The following WNT3 variants were observed in gnomAD, a reference collection of about 807,000 sequenced individuals.
WNT3 encodes Wnt family member 3, also known as proto-oncogene Wnt-3.
Under a neutral mutation model 34.2 loss-of-function variants are expected in WNT3, and 7 were observed. The observed-to-expected ratio is 0.20, with a 90% confidence interval of 0.12 to 0.38. WNT3 has a LOEUF of 0.38. Ranked by LOEUF, WNT3 falls within the 10% of genes least tolerant of loss-of-function variation. The pLI is 1.00. For missense variants in WNT3, 267 were observed against 499.8 expected (o/e 0.53, Z 4.44); for synonymous variants, 212 against 211.5 (o/e 1.00, Z -0.02).
At chr17:46,778,438 C>T (rs1388459976) in intron 1 of WNT3, among the ~76,000 whole-genome samples, 1 of 152,204 alleles carries the variant, frequency 6.6e-6, no homozygotes, top group Non-Finnish European at 1.5e-5. Context: ...TGGGGCTTAG[C>T]TCCTGGGCCA....
At chr17:46,797,139 G>A (rs2084064141) in intron 1 of WNT3, among the ~76,000 whole-genome samples, 1 of 152,154 alleles carries the variant, frequency 6.6e-6, no homozygotes, top group South Asian at 2.1e-4. Context: ...ATTCAAATGA[G>A]AACAATAAAC....
rs2059345882 is a variant in WNT3 at position 46,769,637 on chromosome 17, TG to T, written c.588+145del. The T allele has an allele frequency of 2.7e-5, 27 of 1,011,544 alleles. No homozygotes were observed. In the East Asian group the frequency reaches 7.1e-4, roughly 27 times the overall value. The allele number at this position is 1,011,544 out of a possible 1,614,324, so 62.7% of individuals were successfully genotyped here. ...GTGGACAGACGAAGTGGCTGTGGGG[TG>T]GGGAGGAGGCCAAGCCTGGCCAAGG... On this transcript the variant is annotated intron_variant, in intron 3 of 4. Transcript: ENST00000225512.
intron 1 of WNT3, among the ~76,000 whole-genome samples, chr17:46,779,524 C>A (rs1858638978): frequency 6.6e-6 from 1 of 152,226 alleles, no homozygotes; most frequent in African/African-American, 2.4e-5. Context: ...CGAGGACACA[C>A]ACGGGCAGCC....
At chr17:46,771,574 C>A (rs528610604) in intron 2 of WNT3, among the ~76,000 whole-genome samples, 2 of 148,400 alleles carry the variant, frequency 1.3e-5, no homozygotes, top group African/African-American at 2.4e-5. Flanking sequence ...CGGCGGGGCC[C>A]GCTGGGCCGC....
Position 46,768,596 on chromosome 17 carries a change from C to G in WNT3, c.792G>C (p.Ser264=). The G allele has an allele frequency of 6.2e-7, 1 of 1,614,168 alleles. No individual in the cohort carries two copies. The highest frequency in any genetic ancestry group is 8.5e-7 in the Non-Finnish European group (1 of 1,180,044). Residue 264 remains serine (S), a synonymous_variant, in exon 4 of 5, where the codon TCG becomes TCC. Transcript: ENST00000225512. The surrounding 1 kb of genome is among the most constrained non-coding windows in gnomAD (Gnocchi z 5.0). ...GWVETLRAKY[S]LFKPPTERDL... ...CCCTCTCCGTGGGTGGCTTGAAGAG[C>G]GAGTACTTGGCCCGGAGGGTCTCCA...
rs11319114 is a variant in WNT3 at position 46,799,446 on chromosome 17, C to CT, written c.80+19071dup. 1.3e-4 allele frequency among the ~76,000 whole-genome samples: 16 copies of CT among 121,556 alleles called. 1 individual carries two copies. The highest frequency in any genetic ancestry group is 4.0e-4 in the African/African-American group (13 of 32,242). 79.7% of individuals were successfully genotyped at this position (121,556 alleles called of 152,430 possible). On this transcript the variant is annotated intron_variant, in intron 1 of 4. Coordinates refer to ENST00000225512, the MANE Select transcript of WNT3 (RefSeq NM_030753.5). ...TTCAACTCAGTTTCTATTATTTCTA[C>CT]TTTTTTTTTTTTTTTTTTCGAGATG...
intron 1 of WNT3, among the ~76,000 whole-genome samples, chr17:46,779,060 C>CACACACACAG (rs2059436062): frequency 3.6e-5 from 3 of 83,414 alleles, no homozygotes; most frequent in Non-Finnish European, 8.8e-5. Flanking sequence ...CCATCACACA[C>CACACACACAG]ACACACACAC....
At position 46,810,004 on chromosome 17, in the gene WNT3, CT is replaced by C. The variant is rs11292601; in HGVS notation, c.80+8513del. Among the ~76,000 whole-genome samples the C allele has an allele frequency of 4.3e-3, 545 of 126,360 alleles. 1 individual carries two copies. Among genetic ancestry groups the C allele is most frequent in the Non-Finnish European group, 5.4e-3 (327 of 60,614 alleles). 82.9% of individuals were successfully genotyped at this position (126,360 alleles called of 152,430 possible). A position where few individuals can be genotyped will look rare whatever the true frequency, so the allele number is the denominator to read the frequency against. ...TATTCCTCTCCTCTTTTCTTTCTTT[CT>C]TTTTTTTTTTTTTTTTTTGAGACAG... On this transcript the variant is annotated intron_variant, in intron 1 of 4. Transcript: ENST00000225512.
chr17:46,810,092 C>T (rs773716941), intron 1 of WNT3, among the ~76,000 whole-genome samples: 7 of 150,994 alleles, frequency 4.6e-5, no homozygotes, highest in African/African-American at 7.3e-5. Flanking sequence ...CTGCAACCTC[C>T]GCCTCCCAGG....
In WNT3 at chr17:46,801,035, A is replaced by C. The variant is rs574960768; in HGVS notation, c.80+17483T>G. ...AGCAAAATGTGTGTCTAACTCACTG[A>C]GTACACACCTGACCCTGTGCTAGTC... is the stretch of plus-strand genomic sequence containing the variant. On this transcript the variant is annotated intron_variant, in intron 1 of 4. Coordinates refer to ENST00000225512, the MANE Select transcript of WNT3 (RefSeq NM_030753.5). Among the ~76,000 whole-genome samples, 5 of 152,330 alleles carry C rather than the reference A, an allele frequency of 3.3e-5. No homozygotes were observed. The South Asian group carries it at 8.3e-4, about 25-fold the overall frequency.
chr17:46,770,341 C>G lies in WNT3; in HGVS notation c.323-293G>C, dbSNP rs199526. The stretch of plus-strand genomic sequence containing the variant: ...GTTAGAAACAGGCGCCGACACCAAA[C>G]CTCTGGCAGGTTGCTGCAGAGATAA... On this transcript the variant is annotated intron_variant, in intron 2 of 4. Transcript: ENST00000225512. Among the ~76,000 whole-genome samples the G allele has an allele frequency of 0.77, 117,421 of 152,184 alleles. 45,979 individuals are homozygous for G. The highest frequency in any genetic ancestry group is 0.83 in the South Asian group (4,020 of 4,826).
chr17:46,809,110 T>C (rs1433400136), intron 1 of WNT3, among the ~76,000 whole-genome samples: 3 of 152,040 alleles, frequency 2.0e-5, no homozygotes, highest in African/African-American at 7.2e-5. Context: ...AAGTGGGTTA[T>C]TGGGGGGATC....
intron 2 of WNT3, among the ~76,000 whole-genome samples, chr17:46,771,931 C>A (rs550906615): frequency 6.8e-6 from 1 of 146,446 alleles, no homozygotes; most frequent in Non-Finnish European, 1.5e-5. Flanking sequence ...TCGGGCCCGC[C>A]GCGCCGCCGC....
chr17:46,805,755 C>G (rs536139567), intron 1 of WNT3, among the ~76,000 whole-genome samples: 1 of 152,056 alleles, frequency 6.6e-6, no homozygotes, highest in African/African-American at 2.4e-5. Flanking sequence ...TGTCTCAAAC[C>G]AAACCAAACT....
intron 1 of WNT3, among the ~76,000 whole-genome samples, chr17:46,816,494 C>T (rs2084351019): frequency 6.6e-6 from 1 of 151,704 alleles, no homozygotes; most frequent in Non-Finnish European, 1.5e-5. Context: ...CACACACACA[C>T]ACACACACAC....
At chr17:46,816,778 C>A (rs144407330) in intron 1 of WNT3, among the ~76,000 whole-genome samples, 340 of 152,262 alleles carry the variant, frequency 2.2e-3, no homozygotes, top group African/African-American at 7.8e-3. Context: ...ACCTATGGGC[C>A]GCCAAACCTT....
At chr17:46,814,504 C>T (rs1056254814) in intron 1 of WNT3, among the ~76,000 whole-genome samples, 6 of 152,096 alleles carry the variant, frequency 3.9e-5, no homozygotes, top group African/African-American at 1.4e-4. Context: ...CCGCCATATC[C>T]CCCCCAGGGA....
At chr17:46,781,619 A>G (rs1321795783) in intron 1 of WNT3, among the ~76,000 whole-genome samples, 1 of 152,220 alleles carries the variant, frequency 6.6e-6, no homozygotes, top group Non-Finnish European at 1.5e-5. Context: ...TTACTGCTTA[A>G]TAAGTACAGA....
intron 1 of WNT3, among the ~76,000 whole-genome samples, chr17:46,816,121 A>ACACGCACG (rs1555689267): frequency 6.6e-5 from 10 of 150,896 alleles, no homozygotes; most frequent in Admixed American, 1.3e-4. Context: ...GTACACACAC[A>ACACGCACG]CACACACACT....
Sources: gnomAD v4.1 joint callset for allele counts (sites outside exome capture counted in the v4.1 genomes callset) on GRCh38, gnomAD v4.1.1 for gene constraint, Gnocchi (gnomAD v3.1) non-coding constraint, MANE v1.5 for transcripts, NCBI Gene and HGNC (gene_info 2026-07-23, HGNC 2026-07-21) for gene names.